MAST4: variants seen among roughly 807,000 people sequenced by gnomAD.
MAST4 encodes microtubule-associated serine/threonine-protein kinase 4.
MAST4 carries 89 observed loss-of-function variants against 162.7 expected under a neutral mutation model. The ratio of observed to expected loss-of-function variants is 0.55; its 90% CI spans 0.46 to 0.65. The LOEUF is 0.65. Among genes scored for constraint, MAST4 ranks in the 30% least tolerant of loss-of-function variants. The pLI, the probability that MAST4 is intolerant of heterozygous loss-of-function variation, is 0.00. For synonymous variants in MAST4, 1,479 were observed against 1,361.1 expected (o/e 1.09, Z -1.91); for missense variants, 3,153 against 3,374.0 (o/e 0.93, Z 1.62).
intron 4 of MAST4, among the ~76,000 whole-genome samples, chr5:66,914,865 C>G (rs1421820345): frequency 6.6e-6 from 1 of 152,156 alleles, no homozygotes; most frequent in Non-Finnish European, 1.5e-5. Flanking sequence ...GTCAGGGATA[C>G]TGCTAAACAC....
In MAST4 at chr5:67,143,610, G is replaced by A. The variant is rs76271347; in HGVS notation, c.2731-1059G>A. Among the ~76,000 whole-genome samples, 5 of 152,174 alleles carry A rather than the reference G, an allele frequency of 3.3e-5. No homozygotes were observed. In the East Asian group the frequency reaches 9.7e-4, roughly 29 times the overall value. On this transcript the variant is annotated intron_variant, in intron 21 of 28. Transcript: ENST00000403625. ...ACATTTAGTGATTTTAAAGTGCTCC[G>A]TAGCTTTTTCTAAATGATTACCTAG... is the stretch of plus-strand genomic sequence containing the variant.
At chr5:67,150,194 A>G (rs1262264055) in intron 24 of MAST4, among the ~76,000 whole-genome samples, 2 of 152,110 alleles carry the variant, frequency 1.3e-5, no homozygotes, top group East Asian at 3.8e-4. Context: ...GAATTGTAGT[A>G]TTTTCCCACA....
intron 1 of MAST4, among the ~76,000 whole-genome samples, chr5:66,698,228 C>T (rs570048958): frequency 6.6e-6 from 1 of 152,200 alleles, no homozygotes; most frequent in African/African-American, 2.4e-5. Context: ...TTAGTTCCCG[C>T]AGCTGAGTAT....
intron 3 of MAST4, among the ~76,000 whole-genome samples, chr5:66,847,410 G>C (rs1758935324): frequency 6.6e-6 from 1 of 152,096 alleles, no homozygotes; most frequent in Admixed American, 6.6e-5. Context: ...AGGCAGGCAG[G>C]TCACCTGAGA....
intron 23 of MAST4, among the ~76,000 whole-genome samples, chr5:67,147,188 G>A (rs536905611): frequency 6.6e-5 from 10 of 151,486 alleles, no homozygotes; most frequent in East Asian, 1.9e-4. Context: ...TCCCCCATAC[G>A]CACACTAAAA....
intron 2 of MAST4, among the ~76,000 whole-genome samples, chr5:66,787,947 T>C (rs1023679513): frequency 1.3e-5 from 2 of 152,238 alleles, no homozygotes; most frequent in Non-Finnish European, 2.9e-5. Context: ...TCAAAAACTA[T>C]CATTTCTTGT....
At chr5:66,879,145 G>A (rs1355995854) in intron 3 of MAST4, among the ~76,000 whole-genome samples, 4 of 152,084 alleles carry the variant, frequency 2.6e-5, no homozygotes, top group African/African-American at 7.2e-5. Flanking sequence ...TGGGCGTGGT[G>A]GCGGGTGCCT....
At chr5:67,058,627 G>T (rs950191374) in intron 5 of MAST4, among the ~76,000 whole-genome samples, 10 of 152,236 alleles carry the variant, frequency 6.6e-5, no homozygotes, top group African/African-American at 2.4e-4. Flanking sequence ...GCTGGTATTG[G>T]AAGGATACAC....
intron 4 of MAST4, among the ~76,000 whole-genome samples, chr5:66,945,332 T>G (rs922798757): frequency 2.9e-4 from 44 of 152,146 alleles, no homozygotes; most frequent in African/African-American, 1.0e-3. Flanking sequence ...TGAACTCTTT[T>G]TAAACAGTTC....
At position 66,892,986 on chromosome 5, in the gene MAST4, G is replaced by T. The variant is rs71626456; in HGVS notation, c.643-6965G>T. On this transcript the variant is annotated intron_variant, in intron 3 of 28. Coordinates refer to ENST00000403625, the MANE Select transcript of MAST4 (RefSeq NM_001164664.2). ...ATATCATGACTCGGAGACTTTGTCT[G>T]TATAAAGGGCTTATGAGAACTGATA... Among the ~76,000 whole-genome samples, 555 of 152,300 alleles carry T rather than the reference G, an allele frequency of 3.6e-3. 4 individuals are homozygous for T. The Middle Eastern group carries it at 0.037, about 10-fold the overall frequency.
At chr5:66,648,032 T>G (rs1580096239) in intron 1 of MAST4, among the ~76,000 whole-genome samples, 1 of 116,916 alleles carries the variant, frequency 8.6e-6, no homozygotes. Flanking sequence ...GTGTGTTAGG[T>G]AATGTGTGTG....
At chr5:66,728,037 T>C (rs1751628092) in intron 1 of MAST4, among the ~76,000 whole-genome samples, 1 of 152,164 alleles carries the variant, frequency 6.6e-6, no homozygotes, top group East Asian at 1.9e-4. Context: ...AAATGGGGGA[T>C]AATACCATAT....
chr5:67,121,196 A>G (rs762045546), intron 14 of MAST4, 94 bp downstream of exon 14: 6 of 1,007,196 alleles, frequency 6.0e-6, no homozygotes, highest in Non-Finnish European at 8.8e-6. Context: ...TAGAAGCTGT[A>G]TAGGGACTTG....
chr5:67,123,207 C>A (rs983236587), intron 14 of MAST4, among the ~76,000 whole-genome samples: 1 of 152,130 alleles, frequency 6.6e-6, no homozygotes, highest in African/African-American at 2.4e-5. Context: ...AGAGAGACAC[C>A]AATTCCATGA....
At chr5:66,599,338 A>G (rs954818192) in intron 1 of MAST4, among the ~76,000 whole-genome samples, 25 of 152,322 alleles carry the variant, frequency 1.6e-4, no homozygotes, top group African/African-American at 5.8e-4. Flanking sequence ...AAAGCACACC[A>G]GAGGATTCGG....
At chr5:66,927,059 T>C (rs1764958465) in intron 4 of MAST4, among the ~76,000 whole-genome samples, 2 of 152,212 alleles carry the variant, frequency 1.3e-5, no homozygotes. Context: ...ATCTGGAGAA[T>C]GGATATGCAT....
intron 5 of MAST4, among the ~76,000 whole-genome samples, chr5:67,069,452 T>C (rs952467309): frequency 5.9e-5 from 9 of 151,964 alleles, no homozygotes; most frequent in African/African-American, 1.9e-4. Context: ...GCTTTTAGTA[T>C]TCCAGGTCTG....
intron 1 of MAST4, among the ~76,000 whole-genome samples, chr5:66,757,482 C>T (rs1753610870): frequency 6.6e-6 from 1 of 152,138 alleles, no homozygotes; most frequent in Non-Finnish European, 1.5e-5. Context: ...TTAAGTCTAC[C>T]TGATATAATC....
chr5:66,712,533 G>A (rs969495922), intron 1 of MAST4, among the ~76,000 whole-genome samples: 4 of 152,182 alleles, frequency 2.6e-5, no homozygotes, highest in African/African-American at 9.7e-5. Context: ...CTTGCTAGGA[G>A]CCTCACACTG....
Sources: gnomAD v4.1 joint callset for allele counts (sites outside exome capture counted in the v4.1 genomes callset) on GRCh38, gnomAD v4.1.1 for gene constraint, MANE v1.5 for transcripts, NCBI Gene and HGNC (gene_info 2026-07-23, HGNC 2026-07-21) for gene names.